The following CUL5 variants were observed in gnomAD, a reference collection of about 807,000 sequenced individuals.
CUL5 encodes cullin 5.
In CUL5, 26 loss-of-function variants were observed where a neutral mutation model predicts 108.8. That is an observed-to-expected ratio of 0.24 (90% CI 0.18 to 0.33). CUL5 has a LOEUF of 0.33. CUL5 is among the 10% of genes least tolerant of loss of function. The pLI, the probability that CUL5 is intolerant of heterozygous loss-of-function variation, is 1.00. For synonymous variants in CUL5, 334 were observed against 298.0 expected, an observed-to-expected ratio of 1.12 and a Z score of -1.25; for missense variants, 524 against 909.2, an observed-to-expected ratio of 0.58 and a Z score of 5.45.
chr11:108,016,086 G>C (rs1393300340), intron 1 of CUL5, among the ~76,000 whole-genome samples: 1 of 151,868 alleles, frequency 6.6e-6, no homozygotes, highest in Non-Finnish European at 1.5e-5. Flanking sequence ...CCTAGGTCTG[G>C]CTAATTTTTT....
Position 108,063,433 on chromosome 11 carries a change from A to G in CUL5, c.781-6663A>G, listed in dbSNP as rs1863594783. On this transcript the variant is annotated intron_variant, in intron 7 of 18. Transcript: ENST00000393094. ...CTCCATTGTGTTTATGTACATTTTC[A>G]TTATCCATTCATTTGTTGGTGGACA... 3.9e-5 allele frequency among the ~76,000 whole-genome samples: 6 copies of G among 152,130 alleles called. No homozygotes were observed. In the South Asian group the frequency reaches 1.2e-3, roughly 32 times the overall value.
At chr11:108,076,386 T>A (rs1863940790) in intron 10 of CUL5, among the ~76,000 whole-genome samples, 1 of 152,186 alleles carries the variant, frequency 6.6e-6, no homozygotes, top group African/African-American at 2.4e-5. Context: ...CTCTCTAGAC[T>A]TTTTCCATCT....
chr11:108,065,972 T>A (rs1045867019), intron 7 of CUL5, among the ~76,000 whole-genome samples: 3 of 152,204 alleles, frequency 2.0e-5, no homozygotes, highest in Non-Finnish European at 4.4e-5. Context: ...TCCTGACCAT[T>A]TGTATTTATT....
At chr11:108,084,488 T>A (rs1336968041) in intron 11 of CUL5, among the ~76,000 whole-genome samples, 11 of 152,220 alleles carry the variant, frequency 7.2e-5, no homozygotes, top group Admixed American at 7.2e-4. Flanking sequence ...GAGGGACATA[T>A]CTTCGATTCA....
intron 11 of CUL5, among the ~76,000 whole-genome samples, chr11:108,081,668 T>C (rs1591322798): frequency 6.6e-6 from 1 of 151,970 alleles, no homozygotes; most frequent in Non-Finnish European, 1.5e-5. Flanking sequence ...AGGAGAATGG[T>C]GTGAACCTGG....
chr11:108,105,914 C>T lies in CUL5; in HGVS notation c.*1530C>T, dbSNP rs1864788734. 1 of 152,098 alleles carries T rather than the reference C, an allele frequency of 6.6e-6. No individual in the cohort carries two copies. The highest frequency in any genetic ancestry group is 1.5e-5 in the Non-Finnish European group (1 of 67,994). The allele number at this position is 152,098 out of a possible 1,614,324, so 9.4% of individuals were successfully genotyped here. A position where few individuals can be genotyped will look rare whatever the true frequency, so the allele number is the denominator to read the frequency against. ...AGCATTTCGTAGGATCTGTCCCCAT[C>T]CGAAGAGGCTTTGTGAACTGCCTGC... On this transcript the variant is annotated 3_prime_UTR_variant, in exon 19 of 19. Coordinates refer to ENST00000393094, the MANE Select transcript of CUL5 (RefSeq NM_003478.6).
At chr11:108,083,430 T>G (rs1169685671) in intron 11 of CUL5, among the ~76,000 whole-genome samples, 1 of 152,202 alleles carries the variant, frequency 6.6e-6, no homozygotes, top group East Asian at 1.9e-4. Flanking sequence ...AAGTGAGGAT[T>G]GCTGGGTTTC....
intron 1 of CUL5, among the ~76,000 whole-genome samples, chr11:108,022,412 A>G (rs1862348813): frequency 2.0e-5 from 3 of 152,188 alleles, no homozygotes; most frequent in African/African-American, 7.2e-5. Context: ...GTATTTCTAC[A>G]CCATTATATA....
intron 1 of CUL5, among the ~76,000 whole-genome samples, chr11:108,014,372 AAAC>A (rs774607853): frequency 6.6e-6 from 1 of 152,142 alleles, no homozygotes; most frequent in Non-Finnish European, 1.5e-5. Context: ...GAATACAGGG[AAAC>A]AACAAGAGGG....
In CUL5 at chr11:108,033,810, T is replaced by C. The variant is rs1174733750; in HGVS notation, c.33T>C (p.Gly11=). 1.3e-6 allele frequency: 2 copies of C among 1,590,222 alleles called. No homozygotes were observed. Among genetic ancestry groups the C allele is most frequent in the Middle Eastern group, 3.3e-4 (2 of 5,976 alleles). The change falls in exon 2 of 19, where the codon GGT becomes GGC. Residue 11 remains glycine (G), a synonymous_variant. Transcript: ENST00000393094. The part of the protein sequence containing the change: MATSNLLKNK[G]SLQFEDKWDF... ...TCTTTTTTTTTTTCAAGAATAAAGG[T>C]TCTCTTCAGTTTGAAGACAAATGGG...
In CUL5 at chr11:108,095,668, G is replaced by A; in HGVS notation, c.1882G>A (p.Ala628Thr). 1 of 1,613,418 alleles carries A rather than the reference G, an allele frequency of 6.2e-7. No homozygotes were observed. Among genetic ancestry groups the A allele is most frequent in the Non-Finnish European group, 8.5e-7 (1 of 1,179,834 alleles). ...NLKLATELPDAELRRTLWSLV... is the reference protein window; with the variant it reads ...NLKLATELPDTELRRTLWSLV... Reference sequence around the variant, plus strand: ...TAAGCTTGCAACTGAACTCCCTGATGCTGAACTTAGGAGGACTTTATGGGT... The same window carrying A: ...TAAGCTTGCAACTGAACTCCCTGATACTGAACTTAGGAGGACTTTATGGGT... The change falls in exon 16 of 19, where the codon GCT (alanine) becomes ACT (threonine). Residue 628 changes from alanine to threonine, a missense_variant. Ala to Thr is a moderately conservative substitution (Grantham distance 58). Around this residue, in one of 8 missense-constraint regions of CUL5, gnomAD observed 64 missense variants for 152.0 expected, o/e 0.42. Transcript: ENST00000393094.
At chr11:108,043,075 A>T (rs534969492) in intron 2 of CUL5, among the ~76,000 whole-genome samples, 11 of 151,666 alleles carry the variant, frequency 7.3e-5, no homozygotes, top group Non-Finnish European at 1.0e-4. Context: ...TTTCTTTTTT[A>T]AAAAAATTGT....
intron 18 of CUL5, among the ~76,000 whole-genome samples, chr11:108,101,344 A>G (rs1170681705): frequency 1.3e-5 from 2 of 152,202 alleles, no homozygotes; most frequent in African/African-American, 4.8e-5. Flanking sequence ...GCAGCTATGA[A>G]GTAGTTGATT....
intron 9 of CUL5, 38 bp downstream of exon 9, chr11:108,072,500 A>C (rs1225546891): frequency 6.5e-7 from 1 of 1,543,030 alleles, no homozygotes. Context: ...GATATATATC[A>C]AGGCTATTTT....
At chr11:108,043,291 C>T (rs1862980866) in intron 2 of CUL5, among the ~76,000 whole-genome samples, 1 of 152,178 alleles carries the variant, frequency 6.6e-6, no homozygotes, top group African/African-American at 2.4e-5. Flanking sequence ...CTAGGCTAAT[C>T]TCGAACTTCT....
intron 10 of CUL5, among the ~76,000 whole-genome samples, chr11:108,075,192 A>ATT (rs1021938662): frequency 6.8e-6 from 1 of 146,632 alleles, no homozygotes; most frequent in South Asian, 2.2e-4. Context: ...TAGTTCGATA[A>ATT]TTTTTTTTTT....
rs894021165 is a variant in CUL5 at position 108,033,994 on chromosome 11, T to C, written c.134+83T>C. ...CATACCCAAATGGAATGTGTAACTCTAAGTTTATCTGTTTACCTATTAAAA... is the reference window on the plus strand; with the variant it reads ...CATACCCAAATGGAATGTGTAACTCCAAGTTTATCTGTTTACCTATTAAAA... On this transcript the variant is annotated intron_variant, in intron 2 of 18. Transcript: ENST00000393094. 9 of 809,222 alleles carry C rather than the reference T, an allele frequency of 1.1e-5. No homozygotes were observed. The Admixed American group carries it at 1.8e-4, about 16-fold the overall frequency. The allele number at this position is 809,222 out of a possible 1,614,324, so 50.1% of individuals were successfully genotyped here.
chr11:108,020,725 A>C (rs998921980), intron 1 of CUL5, among the ~76,000 whole-genome samples: 3 of 152,314 alleles, frequency 2.0e-5, no homozygotes, highest in Admixed American at 2.0e-4. Flanking sequence ...AAAAAAGTCA[A>C]AGTTTCCCAA....
Position 108,012,704 on chromosome 11 carries a change from C to G in CUL5, c.24+3332C>G, listed in dbSNP as rs543151094. 2.0e-5 allele frequency among the ~76,000 whole-genome samples: 3 copies of G among 152,146 alleles called. No individual in the cohort carries two copies. The East Asian group carries it at 5.8e-4, about 29-fold the overall frequency. ...CTCCGCCTCCCAGGTTCAAGCAATTCTCCTGCCTCAACCTCCTGAGTAGCT... is the reference window on the plus strand; with the variant it reads ...CTCCGCCTCCCAGGTTCAAGCAATTGTCCTGCCTCAACCTCCTGAGTAGCT... On this transcript the variant is annotated intron_variant, in intron 1 of 18. Transcript: ENST00000393094.
Sources: allele counts gnomAD v4.1 joint callset (sites outside exome capture counted in the v4.1 genomes callset), GRCh38; gene constraint gnomAD v4.1.1; regional missense constraint gnomAD v4.1.1; transcripts MANE v1.5; gene names NCBI Gene and HGNC (gene_info 2026-07-23, HGNC 2026-07-21).